The following PIBF1 variants were observed in gnomAD, a reference collection of about 807,000 sequenced individuals.
The protein encoded by PIBF1 is progesterone-induced-blocking factor 1.
A neutral mutation model predicts 112.5 loss-of-function variants in PIBF1; 90 were observed. The ratio of observed to expected loss-of-function variants is 0.80; its 90% CI spans 0.67 to 0.95. PIBF1 has a LOEUF of 0.95. Ranked by LOEUF, PIBF1 falls within the 40% of genes least tolerant of loss-of-function variation. The pLI, the probability that PIBF1 is intolerant of heterozygous loss-of-function variation, is 0.00. For synonymous variants in PIBF1, 301 were observed against 288.6 expected, an observed-to-expected ratio of 1.04 and a Z score of -0.44; for missense variants, 915 against 852.3, an observed-to-expected ratio of 1.07 and a Z score of -0.92.
chr13:72,927,742 TTA>T (rs1157738528), intron 13 of PIBF1, among the ~76,000 whole-genome samples: 1 of 151,262 alleles, frequency 6.6e-6, no homozygotes, highest in Non-Finnish European at 1.5e-5. Context: ...AAATATATCT[TTA>T]TATTTCTTTT....
chr13:72,910,576 G>C (rs954017281), intron 12 of PIBF1, among the ~76,000 whole-genome samples: 2 of 152,138 alleles, frequency 1.3e-5, no homozygotes, highest in African/African-American at 4.8e-5. Context: ...TTGAGGGGGA[G>C]AGTAAAACAG....
At position 72,998,848 on chromosome 13, in the gene PIBF1, C is replaced by A; in HGVS notation, c.2076C>A (p.Leu692=). 6.2e-7 allele frequency: 1 copy of A among 1,611,772 alleles called. No homozygotes were observed. The highest frequency in any genetic ancestry group is 8.5e-7 in the Non-Finnish European group (1 of 1,178,928). ...REELAAMKQI[L]VKMHSKHSEN... is the part of the protein sequence containing the mutation. ...AATTGGCAGCAATGAAACAGATTCT[C>A]GTTAAGATGCATAGTAAACATTCTG... The change falls in exon 17 of 18, where the codon CTC becomes CTA. Residue 692 remains leucine (L), a synonymous_variant. Transcript: ENST00000326291.
chr13:72,865,501 C>T (rs1386616211), intron 10 of PIBF1, among the ~76,000 whole-genome samples: 2 of 152,150 alleles, frequency 1.3e-5, no homozygotes, highest in Non-Finnish European at 2.9e-5. Flanking sequence ...AGTGGCCAAT[C>T]TATCTACTGT....
intron 16 of PIBF1, among the ~76,000 whole-genome samples, chr13:72,982,339 G>A (rs2138971418): frequency 6.6e-6 from 1 of 152,266 alleles, no homozygotes; most frequent in East Asian, 1.9e-4. Context: ...AGGAAGCTGA[G>A]GTGAGAGGAT....
chr13:72,892,730 A>G (rs748800607), intron 10 of PIBF1, among the ~76,000 whole-genome samples: 4 of 151,184 alleles, frequency 2.6e-5, no homozygotes, highest in Non-Finnish European at 2.9e-5. Context: ...TGCCCTGCAT[A>G]TAACTCACAT....
chr13:72,893,046 T>C (rs139813009), intron 10 of PIBF1, among the ~76,000 whole-genome samples: 382 of 152,336 alleles, frequency 2.5e-3, no homozygotes, highest in African/African-American at 9.1e-3. Context: ...AATTTTAATA[T>C]CATACCCAGC....
chr13:73,008,342 G>A (rs971216210), intron 17 of PIBF1, among the ~76,000 whole-genome samples: 1 of 152,148 alleles, frequency 6.6e-6, no homozygotes, highest in Non-Finnish European at 1.5e-5. Context: ...CCTGATGCTT[G>A]TAAAGGGTGA....
chr13:72,830,261 CTTTA>C (rs964488929), intron 8 of PIBF1, among the ~76,000 whole-genome samples: 1 of 152,142 alleles, frequency 6.6e-6, no homozygotes, highest in Non-Finnish European at 1.5e-5. Context: ...GTTGAATACT[CTTTA>C]TTTCTTTCTC....
At chr13:72,882,439 A>G (rs2039681260) in intron 10 of PIBF1, among the ~76,000 whole-genome samples, 1 of 152,186 alleles carries the variant, frequency 6.6e-6, no homozygotes, top group African/African-American at 2.4e-5. Context: ...GACAAATGGG[A>G]TATCATCAAG....
rs1170783297 is a variant in PIBF1, at chr13:72,860,305, A to AGG, written c.1322+6153_1322+6154dup. 1.0e-4 allele frequency among the ~76,000 whole-genome samples: 10 copies of AGG among 99,876 alleles called. No individual in the cohort carries two copies. The East Asian group carries it at 1.2e-3, about 12-fold the overall frequency. The allele number at this position is 99,876 out of a possible 152,430, so 65.5% of individuals were successfully genotyped here. ...TAGTTCGCTTTCCCTGTGTTTTTTT[A>AGG]GGGGTGTGTGTGTGTGTGTGTGTGT... On this transcript the variant is annotated intron_variant, in intron 10 of 17. Transcript: ENST00000326291.
chr13:72,984,648 G>A (rs1310095455), intron 16 of PIBF1, among the ~76,000 whole-genome samples: 1 of 152,036 alleles, frequency 6.6e-6, no homozygotes, highest in Non-Finnish European at 1.5e-5. Flanking sequence ...AAAGACATTT[G>A]AATTTCCTTT....
intron 8 of PIBF1, among the ~76,000 whole-genome samples, chr13:72,829,024 A>G (rs2036968786): frequency 6.6e-6 from 1 of 152,168 alleles, no homozygotes; most frequent in African/African-American, 2.4e-5. Flanking sequence ...GCATTTCTTT[A>G]ATGACCAGTG....
intron 16 of PIBF1, among the ~76,000 whole-genome samples, chr13:72,987,844 TTA>T (rs2043342461): frequency 3.4e-5 from 3 of 88,160 alleles, no homozygotes; most frequent in Non-Finnish European, 6.1e-5. Flanking sequence ...TGTAATTTAT[TTA>T]TTTATTTATT....
intron 11 of PIBF1, among the ~76,000 whole-genome samples, chr13:72,905,105 T>C (rs2040650972): frequency 6.7e-6 from 1 of 149,082 alleles, no homozygotes; most frequent in Non-Finnish European, 1.5e-5. Context: ...ACTCTATCTG[T>C]CACCCAAGCT....
At chr13:72,913,831 G>T (rs2040985957) in intron 12 of PIBF1, among the ~76,000 whole-genome samples, 1 of 151,856 alleles carries the variant, frequency 6.6e-6, no homozygotes, top group Non-Finnish European at 1.5e-5. Flanking sequence ...GTGTCCACAT[G>T]TATAAATATT....
chr13:72,927,559 G>A (rs1169981844), intron 13 of PIBF1, among the ~76,000 whole-genome samples: 1 of 151,942 alleles, frequency 6.6e-6, no homozygotes, highest in Non-Finnish European at 1.5e-5. Flanking sequence ...GATAATTTTC[G>A]TGTTTTTAGT....
At chr13:72,792,583 T>C (rs1440218542) in intron 3 of PIBF1, 36 bp downstream of exon 3, 1 of 1,062,210 alleles carries the variant, frequency 9.4e-7, no homozygotes, top group Non-Finnish European at 1.4e-6. Context: ...AAACAACATC[T>C]ATTTAGCAAT....
chr13:72,785,508 G>T (rs1312985856), intron 2 of PIBF1, among the ~76,000 whole-genome samples: 1 of 152,212 alleles, frequency 6.6e-6, no homozygotes, highest in Non-Finnish European at 1.5e-5. Flanking sequence ...AAGTGATAGA[G>T]CCAGATAGGA....
Position 72,902,191 on chromosome 13 carries a change from G to A in PIBF1, c.1489-6340G>A, listed in dbSNP as rs140552771. On this transcript the variant is annotated intron_variant, in intron 11 of 17. Transcript: ENST00000326291. Reference sequence around the variant, plus strand: ...TATGTGGGAGCTATGCTATGAGGACGCAAAGGCATGAGAATGATACAATGG... The same window carrying A: ...TATGTGGGAGCTATGCTATGAGGACACAAAGGCATGAGAATGATACAATGG... 3.9e-3 allele frequency among the ~76,000 whole-genome samples: 592 copies of A among 152,206 alleles called. 2 individuals carry two copies. Among genetic ancestry groups the A allele is most frequent in the African/African-American group, 0.013 (538 of 41,532 alleles).
Sources: allele counts gnomAD v4.1 joint callset (sites outside exome capture counted in the v4.1 genomes callset), GRCh38; gene constraint gnomAD v4.1.1; transcripts MANE v1.5; gene names NCBI Gene and HGNC (gene_info 2026-07-23, HGNC 2026-07-21).